The following KIAA1958 variants were observed in gnomAD, a reference collection of about 807,000 sequenced individuals.
KIAA1958 encodes KIAA1958.
A neutral mutation model predicts 47.2 loss-of-function variants in KIAA1958; 14 were observed. The ratio of observed to expected loss-of-function variants is 0.30; its 90% confidence interval spans 0.20 to 0.46. The LOEUF (loss-of-function observed/expected upper bound fraction) is 0.46. Among genes scored for constraint, KIAA1958 ranks in the 20% least tolerant of loss-of-function variants. The pLI is 1.00. For synonymous variants in KIAA1958, 354 were observed against 353.3 expected, an observed-to-expected ratio of 1.00 and a Z score of -0.02; for missense variants, 803 against 909.2, an observed-to-expected ratio of 0.88 and a Z score of 1.50.
intron 2 of KIAA1958, among the ~76,000 whole-genome samples, chr9:112,628,296 A>G (rs1031061748): frequency 2.0e-5 from 3 of 152,180 alleles, no homozygotes; most frequent in African/African-American, 7.2e-5. Flanking sequence ...CTGTATTTGG[A>G]CACATTGCTG....
chr9:112,518,235 G>A (rs1462877466), intron 1 of KIAA1958, among the ~76,000 whole-genome samples: 1 of 152,126 alleles, frequency 6.6e-6, no homozygotes, highest in African/African-American at 2.4e-5. Flanking sequence ...AAAGAAAAAG[G>A]AAAGCATGTA....
chr9:112,516,575 C>T (rs1169694958), intron 1 of KIAA1958, among the ~76,000 whole-genome samples: 5 of 152,096 alleles, frequency 3.3e-5, no homozygotes, highest in Non-Finnish European at 7.4e-5. Flanking sequence ...AATATTTCAG[C>T]AAAGTTTTTA....
At position 112,575,176 on chromosome 9, in the gene KIAA1958, G is replaced by C. The variant is rs533019690; in HGVS notation, c.1096G>C (p.Glu366Gln). The part of the protein sequence containing the change: ...ALSPSVNTEP[E>Q]VSSSQQQPPV... ...TTCTCCCTCAGTTAACACAGAGCCAGAAGTGAGCTCCAGTCAGCAGCAGCC... is the reference window on the plus strand; with the variant it reads ...TTCTCCCTCAGTTAACACAGAGCCACAAGTGAGCTCCAGTCAGCAGCAGCC... Residue 366 changes from glutamate to glutamine, a missense_variant, in exon 2 of 4, where the codon GAA (glutamate) becomes CAA (glutamine). Physicochemically the swap from Glu to Gln is conservative, Grantham distance 29. Coordinates refer to ENST00000337530, the MANE Select transcript of KIAA1958 (RefSeq NM_133465.4). 6.3e-7 allele frequency: 1 copy of C among 1,596,398 alleles called. No individual in the cohort carries two copies. The highest frequency in any genetic ancestry group is 8.5e-7 in the Non-Finnish European group (1 of 1,178,150).
chr9:112,593,575 T>TTTTTG (rs1035552065), intron 2 of KIAA1958, among the ~76,000 whole-genome samples: 174 of 152,278 alleles, frequency 1.1e-3, no homozygotes, highest in African/African-American at 3.8e-3. Flanking sequence ...TGTTTTTTTG[T>TTTTTG]TTTTGTTTTG....
intron 2 of KIAA1958, among the ~76,000 whole-genome samples, chr9:112,578,038 C>T (rs1168542892): frequency 6.6e-6 from 1 of 151,958 alleles, no homozygotes; most frequent in African/African-American, 2.4e-5. Flanking sequence ...TATTTTGATC[C>T]ATTGTTCTCG....
intron 1 of KIAA1958, among the ~76,000 whole-genome samples, chr9:112,532,164 G>A (rs1192903740): frequency 6.6e-6 from 1 of 152,224 alleles, no homozygotes; most frequent in East Asian, 1.9e-4. Flanking sequence ...GGAAGTTGCA[G>A]AGTAGCTTTT....
intron 2 of KIAA1958, among the ~76,000 whole-genome samples, chr9:112,592,733 T>G (rs1479639446): frequency 6.6e-6 from 1 of 152,208 alleles, no homozygotes; most frequent in African/African-American, 2.4e-5. Flanking sequence ...AGAGGTAGCC[T>G]GGGTAAGATA....
intron 2 of KIAA1958, among the ~76,000 whole-genome samples, chr9:112,608,092 A>G (rs977129788): frequency 6.6e-6 from 1 of 152,222 alleles, no homozygotes; most frequent in Non-Finnish European, 1.5e-5. Context: ...GATTCCCTCC[A>G]TTTAATTACA....
At chr9:112,496,954 G>A (rs1834059606) in intron 1 of KIAA1958, among the ~76,000 whole-genome samples, 1 of 152,034 alleles carries the variant, frequency 6.6e-6, no homozygotes, top group Non-Finnish European at 1.5e-5. Flanking sequence ...TTGTCCATAG[G>A]ACTGTCCTAT....
At position 112,617,862 on chromosome 9, in the gene KIAA1958, T is replaced by C. The variant is rs1359461714; in HGVS notation, c.1172-27788T>C. 21 of 1,538,756 alleles carry C rather than the reference T, an allele frequency of 1.4e-5. No homozygotes were observed. The East Asian group carries it at 4.4e-4, about 32-fold the overall frequency. ...CCCTCTCTATCCCTCCCCCCCCAAT[T>C]TGTTGCAGACCAGGATGAAAGAGCA... is the stretch of plus-strand genomic sequence containing the variant. On this transcript the variant is annotated intron_variant, in intron 2 of 3. Transcript: ENST00000337530.
Position 112,489,102 on chromosome 9 carries a change from C to T in KIAA1958, c.-25+1984C>T, listed in dbSNP as rs1267300447. Among the ~76,000 whole-genome samples, 4 of 152,172 alleles carry T rather than the reference C, an allele frequency of 2.6e-5. No homozygotes were observed. In the East Asian group the frequency reaches 5.8e-4, roughly 22 times the overall value. On this transcript the variant is annotated intron_variant, in intron 1 of 3. Transcript: ENST00000337530. Reference sequence around the variant, plus strand: ...TAGGCCCTTGACTAGCGTTCCTTGTCCCTCTCCATTCCTAGTAATAGCCCA... The same window carrying T: ...TAGGCCCTTGACTAGCGTTCCTTGTTCCTCTCCATTCCTAGTAATAGCCCA...
intron 2 of KIAA1958, among the ~76,000 whole-genome samples, chr9:112,623,450 A>G (rs561107075): frequency 6.6e-4 from 101 of 152,312 alleles, no homozygotes; most frequent in African/African-American, 2.0e-3. Flanking sequence ...TGCTGTAGCT[A>G]CTTGTTCAAG....
chr9:112,533,216 G>C (rs1320058834), intron 1 of KIAA1958, among the ~76,000 whole-genome samples: 1 of 151,988 alleles, frequency 6.6e-6, no homozygotes, highest in African/African-American at 2.4e-5. Flanking sequence ...TTTAAGGGAT[G>C]TATTAATCTG....
intron 1 of KIAA1958, among the ~76,000 whole-genome samples, chr9:112,523,918 C>T (rs1339356823): frequency 6.6e-6 from 1 of 152,194 alleles, no homozygotes. Context: ...TCCACCTCCA[C>T]ATATACAAAA....
Position 112,662,463 on chromosome 9 carries a change from C to CAA in KIAA1958, c.*2395_*2396insAA, listed in dbSNP as rs1837292930. 7 of 151,482 alleles carry CAA rather than the reference C, an allele frequency of 4.6e-5. No individual in the cohort carries two copies. Among genetic ancestry groups the CAA allele is most frequent in the African/African-American group, 1.5e-4 (6 of 40,876 alleles). 9.4% of individuals were successfully genotyped at this position (151,482 alleles called of 1,614,324 possible). A position where few individuals can be genotyped will look rare whatever the true frequency, so the allele number is the denominator to read the frequency against. On this transcript the variant is annotated 3_prime_UTR_variant, in exon 4 of 4. Coordinates refer to ENST00000337530, the MANE Select transcript of KIAA1958 (RefSeq NM_133465.4). Reference sequence around the variant, plus strand: ...ACATATACATAAGTGTTTACACACACACACGCACAATATGTGGTTAAGCCT... The same window carrying CAA: ...ACATATACATAAGTGTTTACACACACAAACACGCACAATATGTGGTTAAGCCT...
chr9:112,650,787 A>G (rs1322920972), intron 3 of KIAA1958, among the ~76,000 whole-genome samples: 2 of 152,326 alleles, frequency 1.3e-5, no homozygotes, highest in East Asian at 3.9e-4. Context: ...ACTATGTGCT[A>G]TTCACATCTG....
At chr9:112,632,897 A>G (rs1391998828) in intron 2 of KIAA1958, among the ~76,000 whole-genome samples, 4 of 133,670 alleles carry the variant, frequency 3.0e-5, no homozygotes, top group Non-Finnish European at 6.3e-5. Context: ...TGTCTTCTTT[A>G]TGGAAACAGC....
At chr9:112,634,246 G>A (rs1012248299) in intron 2 of KIAA1958, among the ~76,000 whole-genome samples, 2 of 151,758 alleles carry the variant, frequency 1.3e-5, no homozygotes, top group African/African-American at 4.8e-5. Context: ...TCCTTTTTTT[G>A]GGATGGAGTT....
intron 1 of KIAA1958, among the ~76,000 whole-genome samples, chr9:112,533,811 TCCAATTA>T (rs747756879): frequency 2.0e-5 from 3 of 152,094 alleles, no homozygotes; most frequent in Non-Finnish European, 4.4e-5. Flanking sequence ...GCCCCCGTAA[TCCAATTA>T]CCTCTTCCTG....
Sources: gnomAD v4.1 joint callset for allele counts (sites outside exome capture counted in the v4.1 genomes callset) on GRCh38, gnomAD v4.1.1 for gene constraint, MANE v1.5 for transcripts, NCBI Gene and HGNC (gene_info 2026-07-23, HGNC 2026-07-21) for gene names.